PISD: variants seen among roughly 807,000 people sequenced by gnomAD.
PISD encodes phosphatidylserine decarboxylase proenzyme, mitochondrial.
PISD carries 31 observed loss-of-function variants against 43.5 expected under a neutral mutation model. That is an observed-to-expected ratio of 0.71 (90% CI 0.54 to 0.96). The LOEUF (loss-of-function observed/expected upper bound fraction) is 0.96, where lower values mean the gene tolerates loss of function less well. Ranked by LOEUF, PISD falls within the 40% of genes least tolerant of loss-of-function variation. The probability of loss-of-function intolerance (pLI) is 0.00; values close to 1 mark genes in which losing one functional copy is unlikely to be tolerated. For synonymous variants in PISD, 259 were observed against 228.7 expected (o/e 1.13, Z -1.20); for missense variants, 523 against 548.4 (o/e 0.95, Z 0.46).
At chr22:31,650,060 C>T (rs570521190) in intron 2 of PISD, among the ~76,000 whole-genome samples, 3 of 152,290 alleles carry the variant, frequency 2.0e-5, no homozygotes, top group African/African-American at 7.2e-5. Flanking sequence ...TTCAAGCAAC[C>T]CAGTTTGTGT....
chr22:31,621,368 C>T lies in PISD; in HGVS notation c.663G>A (p.Pro221=), dbSNP rs780487520. The T allele has an allele frequency of 1.9e-5, 31 of 1,613,930 alleles. No homozygotes were observed. The highest frequency in any genetic ancestry group is 1.0e-4 in the Admixed American group (6 of 60,004). ...VTYSLESFLG[P]RMCTEDLPFP... is the part of the protein sequence containing the mutation. ...AGGGCAGGTCCTCTGTGCACATACG[C>T]GGGCCCAGGAACGACTCCAGGGAGT... Residue 221 remains proline, a synonymous_variant, in exon 5 of 8, where the codon CCG becomes CCA. Transcript: ENST00000439502.
chr22:31,637,187 A>AG (rs1601394962), intron 3 of PISD, among the ~76,000 whole-genome samples: 1 of 91,192 alleles, frequency 1.1e-5, no homozygotes, highest in East Asian at 3.3e-4. Flanking sequence ...ATATATATAT[A>AG]TATATATATA....
At chr22:31,645,669 C>T (rs1464063253) in intron 3 of PISD, among the ~76,000 whole-genome samples, 10 of 148,234 alleles carry the variant, frequency 6.7e-5, no homozygotes, top group Admixed American at 4.0e-4. Flanking sequence ...TGAGCCACCG[C>T]GCCCGGCCAG....
At chr22:31,654,246 T>C (rs1023101604) in intron 1 of PISD, among the ~76,000 whole-genome samples, 4 of 152,192 alleles carry the variant, frequency 2.6e-5, no homozygotes, top group Non-Finnish European at 5.9e-5. Context: ...TCACTGGGCT[T>C]TTGGGACCGT....
chr22:31,625,475 AG>A, intron 3 of PISD: 2 of 550,876 alleles, frequency 3.6e-6, no homozygotes, highest in Non-Finnish European at 6.5e-6. Flanking sequence ...GGCTGCGAGC[AG>A]GGGGCCTGGG....
chr22:31,625,821 G>T, intron 3 of PISD: 1 of 1,598,354 alleles, frequency 6.3e-7, no homozygotes, highest in Admixed American at 1.7e-5. Flanking sequence ...ATCATGGGCC[G>T]GCGCAGGGAG....
rs991739197 is a variant in PISD, at chr22:31,630,867, T to C, written c.322-8982A>G. On this transcript the variant is annotated intron_variant, in intron 3 of 7. Transcript: ENST00000439502. The surrounding 1 kb of genome is among the most constrained non-coding windows in gnomAD (Gnocchi z 4.4). ...GGGCGCTCCCGGAGCCGGGAAGCCT[T>C]GGGGCGAGTGGGCGGGGCTCGGGCT... is the stretch of plus-strand genomic sequence containing the variant. The C allele has an allele frequency of 2.0e-6, 2 of 985,234 alleles. No homozygotes were observed. Among genetic ancestry groups the C allele is most frequent in the Non-Finnish European group, 2.4e-6 (2 of 829,894 alleles). 61.0% of individuals were successfully genotyped at this position (985,234 alleles called of 1,614,324 possible).
chr22:31,646,836 T>C (rs2073900053), intron 3 of PISD, among the ~76,000 whole-genome samples: 1 of 152,320 alleles, frequency 6.6e-6, no homozygotes, highest in Admixed American at 6.5e-5. Flanking sequence ...ATAATTACCC[T>C]TCACCAAAAG....
rs1420093082 is a variant in PISD at position 31,619,445 on chromosome 22, G to A, written c.*167C>T. On this transcript the variant is annotated 3_prime_UTR_variant, in exon 8 of 8. Coordinates refer to ENST00000439502, the MANE Select transcript of PISD (RefSeq NM_001326411.2). ...TGGGGGCTCTCGCCACCTCTTGTCT[G>A]CACCTCTGGAACAGGTGGTAGCCGA... The A allele has an allele frequency of 1.4e-6, 1 of 695,170 alleles. No individual in the cohort carries two copies. Among genetic ancestry groups the A allele is most frequent in the Non-Finnish European group, 2.6e-6 (1 of 380,076 alleles). The allele number at this position is 695,170 out of a possible 1,614,324, so 43.1% of individuals were successfully genotyped here.
At position 31,630,639 on chromosome 22, in the gene PISD, G is replaced by A. The variant is rs938908658; in HGVS notation, c.322-8754C>T. ...TCAACCTTGTCCGCGGGGCTCCTCA[G>A]GCCGGGGCCGCGTCGTCACAGCTGG... On this transcript the variant is annotated intron_variant, in intron 3 of 7. Transcript: ENST00000439502. The surrounding 1 kb of genome is among the most constrained non-coding windows in gnomAD (Gnocchi z 4.4). The A allele has an allele frequency of 1.7e-5, 14 of 820,774 alleles. No homozygotes were observed. The East Asian group carries it at 1.6e-3, about 94-fold the overall frequency. 50.8% of individuals were successfully genotyped at this position (820,774 alleles called of 1,614,324 possible). A position where few individuals can be genotyped will look rare whatever the true frequency, so the allele number is the denominator to read the frequency against.
Position 31,621,744 on chromosome 22 carries a change from C to G in PISD, c.463G>C (p.Ala155Pro). The G allele has an allele frequency of 6.2e-7, 1 of 1,614,134 alleles. No homozygotes were observed. The change falls in exon 4 of 8, where the codon GCT (alanine) becomes CCT (proline). Residue 155 changes from alanine to proline, a missense_variant. Physicochemically the swap from Ala to Pro is conservative, Grantham distance 27 (BLOSUM62 -1). Coordinates refer to ENST00000439502, the MANE Select transcript of PISD (RefSeq NM_001326411.2). ...WTFGVNMKEA[A>P]VEDLHHYRNL... is the part of the protein sequence containing the mutation. ...CGGTAGTGATGCAGGTCCTCCACAG[C>G]GGCCTCTTTCATGTTCACCCCAAAC...
intron 1 of PISD, among the ~76,000 whole-genome samples, chr22:31,655,252 T>G (rs1031125249): frequency 2.0e-5 from 3 of 151,556 alleles, no homozygotes; most frequent in Non-Finnish European, 4.4e-5. Context: ...CCAACATTAC[T>G]ATAATTAACA....
chr22:31,636,928 G>A (rs1023158943), intron 3 of PISD, among the ~76,000 whole-genome samples: 3 of 150,144 alleles, frequency 2.0e-5, no homozygotes, highest in Non-Finnish European at 3.0e-5. Context: ...CACCCATCTC[G>A]GTCTCCCAAA....
chr22:31,636,403 G>C (rs558454594), intron 3 of PISD, among the ~76,000 whole-genome samples: 46 of 152,258 alleles, frequency 3.0e-4, no homozygotes, highest in African/African-American at 1.1e-3. Context: ...AAACACCTCA[G>C]CCCTTGCCAC....
At chr22:31,625,049 G>A (rs2072825141) in intron 3 of PISD, among the ~76,000 whole-genome samples, 1 of 152,204 alleles carries the variant, frequency 6.6e-6, no homozygotes, top group African/African-American at 2.4e-5. Context: ...CAAAGTAACT[G>A]CATTTAGCTA....
chr22:31,652,423 A>G (rs1808292810), intron 1 of PISD, among the ~76,000 whole-genome samples: 5 of 151,874 alleles, frequency 3.3e-5, no homozygotes, highest in Admixed American at 2.6e-4. Flanking sequence ...GAGCCACAGC[A>G]CTTGGCCCAA....
Position 31,648,893 on chromosome 22 carries a change from T to C in PISD, c.146-617A>G, listed in dbSNP as rs141563467. Among the ~76,000 whole-genome samples, 238 of 152,246 alleles carry C rather than the reference T, an allele frequency of 1.6e-3. 1 individual carries two copies. Among genetic ancestry groups the C allele is most frequent in the Non-Finnish European group, 2.6e-3 (177 of 68,010 alleles). Reference sequence around the variant, plus strand: ...CTGAATCGCAAAGAGGTCAAGAAACTAATCAAGGTTGCCCAGGTGGTCACC... The same window carrying C: ...CTGAATCGCAAAGAGGTCAAGAAACCAATCAAGGTTGCCCAGGTGGTCACC... On this transcript the variant is annotated intron_variant, in intron 2 of 7. Coordinates refer to ENST00000439502, the MANE Select transcript of PISD (RefSeq NM_001326411.2).
At chr22:31,634,380 C>T (rs962060014) in intron 3 of PISD, among the ~76,000 whole-genome samples, 2 of 152,220 alleles carry the variant, frequency 1.3e-5, no homozygotes, top group African/African-American at 4.8e-5. Flanking sequence ...CCAGATTCTC[C>T]TATCCCTGCC....
At chr22:31,640,325 G>A (rs1264551671) in intron 3 of PISD, among the ~76,000 whole-genome samples, 1 of 150,494 alleles carries the variant, frequency 6.6e-6, no homozygotes, top group Non-Finnish European at 1.5e-5. Flanking sequence ...AGCCTCCCAA[G>A]TAGCTGGGAC....
Sources: gnomAD v4.1 joint callset for allele counts (sites outside exome capture counted in the v4.1 genomes callset) on GRCh38, gnomAD v4.1.1 for gene constraint, Gnocchi (gnomAD v3.1) non-coding constraint, MANE v1.5 for transcripts, NCBI Gene and HGNC (gene_info 2026-07-23, HGNC 2026-07-21) for gene names.